The following DYM variants were observed in gnomAD, a reference collection of about 807,000 sequenced individuals.
DYM encodes dymeclin, also known as dyggve-Melchior-Clausen syndrome protein.
A neutral mutation model predicts 93.1 loss-of-function variants in DYM; 78 were observed. The observed-to-expected ratio is 0.84, with a 90% CI of 0.70 to 1.01. DYM has a LOEUF of 1.01. DYM is among the 50% of genes least tolerant of loss of function. The pLI is 0.00. For missense variants in DYM, 789 were observed against 845.0 expected, an observed-to-expected ratio of 0.93 and a Z score of 0.82; for synonymous variants, 321 against 319.7, an observed-to-expected ratio of 1.00 and a Z score of -0.04.
chr18:49,401,897 G>A (rs8094395), intron 2 of DYM, among the ~76,000 whole-genome samples: 12,234 of 151,776 alleles, frequency 0.081, 697 homozygotes, highest in African/African-American at 0.15. Flanking sequence ...GTGGTGATGC[G>A]CACCTGTAAT....
chr18:49,252,843 T>C (rs933615930), intron 13 of DYM, among the ~76,000 whole-genome samples: 1 of 152,228 alleles, frequency 6.6e-6, no homozygotes, highest in Non-Finnish European at 1.5e-5. Context: ...GCATATAATC[T>C]ACTCTTTATA....
At chr18:49,066,038 T>G (rs62102286) in intron 17 of DYM, among the ~76,000 whole-genome samples, 47,894 of 151,936 alleles carry the variant, frequency 0.32, 8,893 homozygotes, top group Middle Eastern at 0.47. Context: ...AAACAACTTT[T>G]ATTTTGTGAA....
At chr18:49,086,680 G>T (rs994148954) in intron 17 of DYM, among the ~76,000 whole-genome samples, 2 of 152,080 alleles carry the variant, frequency 1.3e-5, no homozygotes, top group African/African-American at 4.8e-5. Flanking sequence ...CCTCATGAAG[G>T]GGATTAGTGC....
At chr18:49,398,515 A>C (rs1055488204) in intron 2 of DYM, among the ~76,000 whole-genome samples, 2 of 152,208 alleles carry the variant, frequency 1.3e-5, no homozygotes, top group Non-Finnish European at 2.9e-5. Flanking sequence ...GTGGGAGGCC[A>C]CCCTCTACCG....
chr18:49,119,015 A>G, intron 15 of DYM, 89 bp from the exon 16 acceptor site: 2 of 1,069,756 alleles, frequency 1.9e-6, no homozygotes, highest in South Asian at 1.3e-5. Context: ...CCTCAAAATT[A>G]TAACAGCATT....
chr18:49,236,479 C>A (rs932385988), intron 13 of DYM, among the ~76,000 whole-genome samples: 65 of 142,470 alleles, frequency 4.6e-4, no homozygotes, highest in South Asian at 9.0e-4. Flanking sequence ...GACTCTGTCT[C>A]AAAAAAAAAA....
At position 49,070,769 on chromosome 18, in the gene DYM, A is replaced by G. The variant is rs531055760; in HGVS notation, c.2026-26565T>C. Among the ~76,000 whole-genome samples, 8 of 152,316 alleles carry G rather than the reference A, an allele frequency of 5.3e-5. No individual in the cohort carries two copies. In the Middle Eastern group the frequency reaches 0.01, roughly 194 times the overall value. On this transcript the variant is annotated intron_variant, in intron 17 of 17. Coordinates refer to ENST00000675505, the MANE Select transcript of DYM (RefSeq NM_001353214.3). Reference sequence around the variant, plus strand: ...GAACAAATAAATGAAAGACAAGAAAATCTCTATTGCAAATAGTAGCTTTGT... The same window carrying G: ...GAACAAATAAATGAAAGACAAGAAAGTCTCTATTGCAAATAGTAGCTTTGT...
chr18:49,370,941 A>G (rs2066981823), intron 5 of DYM, among the ~76,000 whole-genome samples: 1 of 152,180 alleles, frequency 6.6e-6, no homozygotes, highest in Non-Finnish European at 1.5e-5. Flanking sequence ...CAAAAGAACA[A>G]CCTACGAGCA....
intron 3 of DYM, among the ~76,000 whole-genome samples, chr18:49,384,714 C>G (rs922069387): frequency 6.8e-6 from 1 of 147,162 alleles, no homozygotes; most frequent in African/African-American, 2.5e-5. Context: ...AATGCAATAA[C>G]AGCTAAAACA....
intron 14 of DYM, among the ~76,000 whole-genome samples, chr18:49,170,254 AGGAGTCAAT>A (rs2088492312): frequency 6.6e-6 from 1 of 152,164 alleles, no homozygotes; most frequent in South Asian, 2.1e-4. Flanking sequence ...TGGTGGAGTC[AGGAGTCAAT>A]GCTAGCATTG....
intron 17 of DYM, among the ~76,000 whole-genome samples, chr18:49,051,741 T>G (rs1055164760): frequency 9.9e-5 from 15 of 152,186 alleles, no homozygotes; most frequent in South Asian, 4.1e-4. Context: ...AGCTCCCAGC[T>G]AAGTGGGCTG....
chr18:49,054,092 T>C (rs147153073), intron 17 of DYM, among the ~76,000 whole-genome samples: 40 of 152,272 alleles, frequency 2.6e-4, no homozygotes, highest in African/African-American at 8.9e-4. Flanking sequence ...AAGACTGAAG[T>C]GCAGGCTCTT....
chr18:49,159,993 C>T (rs946572788), intron 15 of DYM, among the ~76,000 whole-genome samples: 5 of 152,048 alleles, frequency 3.3e-5, no homozygotes, highest in African/African-American at 1.2e-4. Context: ...TATGACCAAA[C>T]TTCTCTGAAA....
At chr18:49,084,780 GAAGA>G (rs1261311081) in intron 17 of DYM, among the ~76,000 whole-genome samples, 1 of 152,172 alleles carries the variant, frequency 6.6e-6, no homozygotes, top group African/African-American at 2.4e-5. Flanking sequence ...TTGACTGGAA[GAAGA>G]AAGTTGCAAA....
chr18:49,387,758 C>G (rs1237299602), intron 3 of DYM, among the ~76,000 whole-genome samples: 1 of 151,826 alleles, frequency 6.6e-6, no homozygotes, highest in Non-Finnish European at 1.5e-5. Flanking sequence ...ATGGGGAAAC[C>G]AAAAAATTCA....
intron 6 of DYM, among the ~76,000 whole-genome samples, chr18:49,357,556 T>C (rs2079325470): frequency 6.6e-6 from 1 of 152,196 alleles, no homozygotes; most frequent in South Asian, 2.1e-4. Context: ...AAATGAGCCA[T>C]TACACTTGCA....
At chr18:49,067,319 T>G (rs1599485527) in intron 17 of DYM, among the ~76,000 whole-genome samples, 5 of 90,138 alleles carry the variant, frequency 5.5e-5, no homozygotes, top group African/African-American at 1.3e-4. Context: ...GAGGAAGGAG[T>G]GGGGTGATGT....
In DYM at chr18:49,250,511, T is replaced by C. The variant is rs114220645; in HGVS notation, c.1460+6499A>G. 4.7e-3 allele frequency among the ~76,000 whole-genome samples: 717 copies of C among 152,306 alleles called. 6 individuals are homozygous for C. The highest frequency in any genetic ancestry group is 0.017 in the African/African-American group (693 of 41,568). On this transcript the variant is annotated intron_variant, in intron 13 of 17. Coordinates refer to ENST00000675505, the MANE Select transcript of DYM (RefSeq NM_001353214.3). ...TAGGCCAGAAACTGACAGTGATCCA[T>C]GGGCTGCTACGAAGAGATGAAGAGG...
chr18:49,217,437 C>G (rs945465220), intron 13 of DYM, among the ~76,000 whole-genome samples: 1 of 151,958 alleles, frequency 6.6e-6, no homozygotes, highest in African/African-American at 2.4e-5. Context: ...AGAGCAACTC[C>G]AAGACACATA....
Sources: allele counts gnomAD v4.1 joint callset (sites outside exome capture counted in the v4.1 genomes callset), GRCh38; gene constraint gnomAD v4.1.1; transcripts MANE v1.5; gene names NCBI Gene and HGNC (gene_info 2026-07-23, HGNC 2026-07-21).